PPP1R13B: variants seen among roughly 807,000 people sequenced by gnomAD.
The protein encoded by PPP1R13B is protein phosphatase 1 regulatory subunit 13B, also known as apoptosis-stimulating of p53 protein 1.
PPP1R13B carries 44 observed loss-of-function variants against 119.8 expected under a neutral mutation model. The observed-to-expected ratio is 0.37, with a 90% CI of 0.29 to 0.47. The LOEUF is 0.47. PPP1R13B is among the 20% of genes least tolerant of loss of function. The pLI is 0.99. For synonymous variants in PPP1R13B, 542 were observed against 561.5 expected (o/e 0.97, Z 0.49); for missense variants, 1,227 against 1,413.5 (o/e 0.87, Z 2.12).
Position 103,841,602 on chromosome 14 carries a change from A to C in PPP1R13B, c.9+5697T>G, listed in dbSNP as rs2086910658. Among the ~76,000 whole-genome samples the C allele has an allele frequency of 2.0e-5, 3 of 152,194 alleles. No homozygotes were observed. In the South Asian group the frequency reaches 6.2e-4, roughly 32 times the overall value. On this transcript the variant is annotated intron_variant, in intron 1 of 16. Coordinates refer to ENST00000202556, the MANE Select transcript of PPP1R13B (RefSeq NM_015316.3). ...AACACTCCAACTCAAAAAGAAAAAA[A>C]AAGAAAAAAAAATTTTTTTAAATAT... is the stretch of plus-strand genomic sequence containing the variant.
intron 1 of PPP1R13B, among the ~76,000 whole-genome samples, chr14:103,801,846 G>C (rs1434958951): frequency 6.6e-6 from 1 of 152,134 alleles, no homozygotes; most frequent in Non-Finnish European, 1.5e-5. Context: ...GATATATCCA[G>C]TCTGTTCAAT....
chr14:103,804,655 G>C (rs1405297836), intron 1 of PPP1R13B, among the ~76,000 whole-genome samples: 8 of 151,968 alleles, frequency 5.3e-5, no homozygotes, highest in African/African-American at 1.9e-4. Flanking sequence ...GATCACATAA[G>C]CCCAGGAGTT....
chr14:103,782,688 A>T (rs1226046524), intron 3 of PPP1R13B, among the ~76,000 whole-genome samples: 1 of 152,156 alleles, frequency 6.6e-6, no homozygotes, highest in Non-Finnish European at 1.5e-5. Flanking sequence ...GTATTTCAAG[A>T]TAGTTTTCTC....
At position 103,809,990 on chromosome 14, in the gene PPP1R13B, C is replaced by T. The variant is rs2086110496; in HGVS notation, c.10-12472G>A. On this transcript the variant is annotated intron_variant, in intron 1 of 16. Transcript: ENST00000202556. ...TAGAGGCATGCGCCACCATGCCTGG[C>T]TAATTTTTGTATTTTTAGTAGAGAC... is the stretch of plus-strand genomic sequence containing the variant. Among the ~76,000 whole-genome samples, 4 of 151,586 alleles carry T rather than the reference C, an allele frequency of 2.6e-5. No homozygotes were observed. In the South Asian group the frequency reaches 8.4e-4, roughly 32 times the overall value.
At chr14:103,818,140 TC>T (rs1278454376) in intron 1 of PPP1R13B, among the ~76,000 whole-genome samples, 1 of 152,202 alleles carries the variant, frequency 6.6e-6, no homozygotes, top group Non-Finnish European at 1.5e-5. Flanking sequence ...ATTAATGTAC[TC>T]ACAGGCTAGC....
In PPP1R13B at chr14:103,738,705, G is replaced by A. The variant is rs2084173508; in HGVS notation, c.2838C>T (p.Asn946=). ...IVKFLLDFGV[N]VNAADSDGWT... ...ATCCATCACTATCAGCAGCATTCACGTTGACACCAAAATCCAGCAGGAACT... is the reference window on the plus strand; with the variant it reads ...ATCCATCACTATCAGCAGCATTCACATTGACACCAAAATCCAGCAGGAACT... Residue 946 remains asparagine, a synonymous_variant, in exon 14 of 17, where the codon AAC becomes AAT. Transcript: ENST00000202556. The surrounding 1 kb of genome is among the most constrained non-coding windows in gnomAD (Gnocchi z 5.6). The A allele has an allele frequency of 1.2e-6, 2 of 1,614,236 alleles. No individual in the cohort carries two copies. Among genetic ancestry groups the A allele is most frequent in the South Asian group, 2.2e-5 (2 of 91,086 alleles).
chr14:103,768,277 A>C (rs536061874), intron 4 of PPP1R13B, among the ~76,000 whole-genome samples: 5 of 149,940 alleles, frequency 3.3e-5, no homozygotes, highest in African/African-American at 1.2e-4. Context: ...CACCACGCCC[A>C]GCTAATTTTT....
At chr14:103,759,804 A>G (rs543721149) in intron 4 of PPP1R13B, among the ~76,000 whole-genome samples, 3 of 152,358 alleles carry the variant, frequency 2.0e-5, no homozygotes, top group South Asian at 4.1e-4. Context: ...GTTTATATCT[A>G]TGAATAAGAT....
At chr14:103,847,104 C>T (rs940057214) in intron 1 of PPP1R13B, 195 bp downstream of exon 1, 3 of 986,192 alleles carry the variant, frequency 3.0e-6, no homozygotes, top group Non-Finnish European at 2.4e-6. Context: ...GCCCCGGCCC[C>T]GCGCTGACAG....
intron 2 of PPP1R13B, among the ~76,000 whole-genome samples, chr14:103,790,976 C>CT (rs1240405283): frequency 6.6e-6 from 1 of 152,158 alleles, no homozygotes; most frequent in African/African-American, 2.4e-5. Flanking sequence ...AGAGATAAAA[C>CT]TTTGTGAGCT....
chr14:103,747,213 A>C (rs780546897), intron 8 of PPP1R13B: 1 of 152,256 alleles, frequency 6.6e-6, no homozygotes, highest in Non-Finnish European at 1.5e-5. Flanking sequence ...ATTTCAATAT[A>C]GGCTCTAAAT....
At position 103,797,102 on chromosome 14, in the gene PPP1R13B, A is replaced by AG. The variant is rs1166068663; in HGVS notation, c.157+268_157+269insC. On this transcript the variant is annotated intron_variant, in intron 2 of 16. Coordinates refer to ENST00000202556, the MANE Select transcript of PPP1R13B (RefSeq NM_015316.3). ...GACAGAGTGAGATACTGTCTCAAAA[A>AG]AAAAAAAAAAAGTATACAAAAAAGC... Among the ~76,000 whole-genome samples the AG allele has an allele frequency of 8.8e-4, 133 of 151,890 alleles. 3 individuals are homozygous for AG. The East Asian group carries it at 0.02, about 23-fold the overall frequency.
Position 103,735,038 on chromosome 14 carries a change from TA to T in PPP1R13B, c.*115del, listed in dbSNP as rs1459828547. ...GATTCACATTGTGGACGCTGTCTGC[TA>T]AAGTGAGCACCATTAAGACCATTTT... is the stretch of plus-strand genomic sequence containing the variant. On this transcript the variant is annotated 3_prime_UTR_variant, in exon 17 of 17. Transcript: ENST00000202556. The T allele has an allele frequency of 8.6e-7, 1 of 1,158,174 alleles. No individual in the cohort carries two copies. Among genetic ancestry groups the T allele is most frequent in the Non-Finnish European group, 1.3e-6 (1 of 776,332 alleles). 71.7% of individuals were successfully genotyped at this position (1,158,174 alleles called of 1,614,324 possible).
At chr14:103,739,565 G>C (rs2084199821) in intron 12 of PPP1R13B, among the ~76,000 whole-genome samples, 1 of 152,170 alleles carries the variant, frequency 6.6e-6, no homozygotes, top group African/African-American at 2.4e-5. Flanking sequence ...CCTTCCTCAG[G>C]AAAGCCTCTG....
At chr14:103,789,906 T>G (rs2085573815) in intron 2 of PPP1R13B, among the ~76,000 whole-genome samples, 1 of 152,138 alleles carries the variant, frequency 6.6e-6, no homozygotes, top group Non-Finnish European at 1.5e-5. Context: ...TTTTTGAAGA[T>G]GAGGTGTAAG....
intron 12 of PPP1R13B, chr14:103,739,372 A>G (rs775470602): frequency 5.0e-5 from 16 of 322,680 alleles, no homozygotes; most frequent in Non-Finnish European, 2.3e-5. Context: ...TCCTGCCCAC[A>G]TGCGACAGGG....
At chr14:103,798,148 A>ATC (rs959236235) in intron 1 of PPP1R13B, among the ~76,000 whole-genome samples, 2 of 127,564 alleles carry the variant, frequency 1.6e-5, no homozygotes, top group African/African-American at 6.3e-5. Context: ...AAATATAATA[A>ATC]TCTCTTTTTT....
At chr14:103,846,591 T>A (rs1167632437) in intron 1 of PPP1R13B, among the ~76,000 whole-genome samples, 1 of 152,066 alleles carries the variant, frequency 6.6e-6, no homozygotes, top group Non-Finnish European at 1.5e-5. Flanking sequence ...AAATCAGAAT[T>A]CAGCATCCCC....
intron 1 of PPP1R13B, among the ~76,000 whole-genome samples, chr14:103,814,377 A>C (rs147917452): frequency 4.6e-5 from 7 of 152,220 alleles, no homozygotes; most frequent in African/African-American, 7.2e-5. Flanking sequence ...AATAAATAAA[A>C]TAATAATTTG....
Sources: allele counts gnomAD v4.1 joint callset (sites outside exome capture counted in the v4.1 genomes callset), GRCh38; gene constraint gnomAD v4.1.1; non-coding constraint Gnocchi (gnomAD v3.1); transcripts MANE v1.5; gene names NCBI Gene and HGNC (gene_info 2026-07-23, HGNC 2026-07-21).